Variants in GULP1 observed in about 807,000 individuals in gnomAD.
The protein encoded by GULP1 is PTB domain-containing engulfment adapter protein 1.
A neutral mutation model predicts 40.9 loss-of-function variants in GULP1; 19 were observed. The ratio of observed to expected loss-of-function variants is 0.46; its 90% CI spans 0.32 to 0.68. The LOEUF is 0.68. GULP1 is among the 30% of genes least tolerant of loss of function. The pLI is 0.03. For synonymous variants in GULP1, 119 were observed against 117.6 expected (o/e 1.01, Z -0.08); for missense variants, 312 against 362.2 (o/e 0.86, Z 1.12).
At chr2:188,591,841 C>T (rs1161594720) in intron 11 of GULP1, 1 of 151,680 alleles carries the variant, frequency 6.6e-6, no homozygotes, top group Non-Finnish European at 1.5e-5. Context: ...TCATCAAAAT[C>T]TTTCGTATAA....
chr2:188,432,742 T>A (rs929268786), intron 2 of GULP1, among the ~76,000 whole-genome samples: 2 of 152,140 alleles, frequency 1.3e-5, no homozygotes, highest in Non-Finnish European at 2.9e-5. Flanking sequence ...CTTATTTATT[T>A]AATATTTACT....
intron 2 of GULP1, among the ~76,000 whole-genome samples, chr2:188,476,342 C>A (rs2061006318): frequency 1.3e-5 from 2 of 152,026 alleles, no homozygotes; most frequent in African/African-American, 4.8e-5. Context: ...TTTGGTCTCT[C>A]GTGAATTTAT....
chr2:188,374,562 C>T (rs530416124), intron 1 of GULP1, among the ~76,000 whole-genome samples: 9 of 152,186 alleles, frequency 5.9e-5, no homozygotes, highest in African/African-American at 9.6e-5. Context: ...TCCTCCAGTT[C>T]GTTAATTCAA....
intron 2 of GULP1, among the ~76,000 whole-genome samples, chr2:188,400,637 C>T (rs527309046): frequency 1.3e-5 from 2 of 152,016 alleles, no homozygotes; most frequent in East Asian, 1.9e-4. Flanking sequence ...ATATTGGATA[C>T]AATGTGGAGA....
At chr2:188,333,300 A>T (rs1047234998) in intron 1 of GULP1, among the ~76,000 whole-genome samples, 1 of 152,040 alleles carries the variant, frequency 6.6e-6, no homozygotes, top group Admixed American at 6.6e-5. Flanking sequence ...AGATAGAAAG[A>T]CAGATTAGAA....
chr2:188,366,588 C>CTTTTT (rs34745549), intron 1 of GULP1, among the ~76,000 whole-genome samples: 134 of 84,032 alleles, frequency 1.6e-3, no homozygotes, highest in Non-Finnish European at 2.0e-3. Flanking sequence ...CAGTTACTTT[C>CTTTTT]TTTTTTTTTT....
intron 2 of GULP1, chr2:188,466,359 G>GCTCCGC (rs987222716): frequency 5.3e-5 from 8 of 150,856 alleles, no homozygotes; most frequent in African/African-American, 1.7e-4. Flanking sequence ...CTCACTGCAA[G>GCTCCGC]CTCCGCCTCC....
At chr2:188,331,974 A>T (rs2152058218) in intron 1 of GULP1, among the ~76,000 whole-genome samples, 1 of 152,282 alleles carries the variant, frequency 6.6e-6, no homozygotes, top group East Asian at 1.9e-4. Flanking sequence ...TATCATAAAG[A>T]TGATTTTGTA....
intron 2 of GULP1, among the ~76,000 whole-genome samples, chr2:188,447,862 G>C (rs1385621403): frequency 6.6e-6 from 1 of 152,162 alleles, no homozygotes; most frequent in African/African-American, 2.4e-5. Context: ...TGCTGTAAAT[G>C]TGTCTTGTTT....
intron 11 of GULP1, chr2:188,592,401 A>G (rs2153477595): frequency 6.6e-6 from 1 of 152,074 alleles, no homozygotes; most frequent in Non-Finnish European, 1.5e-5. Context: ...TACTTACAGT[A>G]TTTTAGTTTA....
At chr2:188,365,398 A>G (rs966693665) in intron 1 of GULP1, among the ~76,000 whole-genome samples, 4 of 152,180 alleles carry the variant, frequency 2.6e-5, no homozygotes, top group African/African-American at 9.7e-5. Flanking sequence ...AGCTTACTGG[A>G]ACAGTATGTA....
chr2:188,396,512 G>C (rs896712363), intron 2 of GULP1, among the ~76,000 whole-genome samples: 1 of 152,230 alleles, frequency 6.6e-6, no homozygotes, highest in Non-Finnish European at 1.5e-5. Context: ...CACATCTGCA[G>C]TGTTCCACTA....
At chr2:188,431,632 A>G (rs1470275379) in intron 2 of GULP1, among the ~76,000 whole-genome samples, 1 of 152,104 alleles carries the variant, frequency 6.6e-6, no homozygotes, top group Non-Finnish European at 1.5e-5. Flanking sequence ...TCTTAATTAT[A>G]GCAAACTTAA....
At chr2:188,396,996 G>A (rs992336944) in intron 2 of GULP1, among the ~76,000 whole-genome samples, 2 of 152,202 alleles carry the variant, frequency 1.3e-5, no homozygotes, top group South Asian at 2.1e-4. Context: ...TGCAGTAGGA[G>A]TGTATACCCT....
chr2:188,503,918 T>A (rs2063673303), intron 4 of GULP1, among the ~76,000 whole-genome samples: 1 of 151,950 alleles, frequency 6.6e-6, no homozygotes, highest in South Asian at 2.1e-4. Flanking sequence ...TTAGAATACC[T>A]ACCTGTATCC....
chr2:188,405,656 G>A (rs1389795962), intron 2 of GULP1, among the ~76,000 whole-genome samples: 1 of 152,148 alleles, frequency 6.6e-6, no homozygotes, highest in Admixed American at 6.5e-5. Context: ...GTGGATCCAG[G>A]CCCCAAGCTT....
At chr2:188,372,133 C>T (rs1574817552) in intron 1 of GULP1, among the ~76,000 whole-genome samples, 1 of 152,080 alleles carries the variant, frequency 6.6e-6, no homozygotes, top group African/African-American at 2.4e-5. Context: ...TCTTCATTAA[C>T]TGTATCAAGT....
chr2:188,512,528 T>A (rs1450721635), intron 4 of GULP1, among the ~76,000 whole-genome samples: 1 of 152,094 alleles, frequency 6.6e-6, no homozygotes, highest in African/African-American at 2.4e-5. Context: ...ACTTCGTAAC[T>A]CTTTAGCTAT....
intron 2 of GULP1, among the ~76,000 whole-genome samples, chr2:188,400,113 C>T (rs1404057653): frequency 1.3e-5 from 2 of 151,998 alleles, no homozygotes; most frequent in East Asian, 3.9e-4. Context: ...GGTCACTGTC[C>T]CTCCAAAGGC....
Sources: allele counts gnomAD v4.1 joint callset (sites outside exome capture counted in the v4.1 genomes callset), GRCh38; gene constraint gnomAD v4.1.1; transcripts MANE v1.5; gene names NCBI Gene and HGNC (gene_info 2026-07-23, HGNC 2026-07-21).